The following MBNL1 variants were observed in gnomAD, a reference collection of about 807,000 sequenced individuals.
MBNL1 encodes the protein muscleblind like splicing regulator 1, also known as muscleblind-like protein 1.
MBNL1 carries 8 observed loss-of-function variants against 42.2 expected under a neutral mutation model. That is an observed-to-expected ratio of 0.19 (90% confidence interval 0.11 to 0.34). The LOEUF (loss-of-function observed/expected upper bound fraction) is 0.34. MBNL1 is among the 10% of genes least tolerant of loss of function. The pLI, the probability that MBNL1 is intolerant of heterozygous loss-of-function variation, is 1.00. For synonymous variants in MBNL1, 169 were observed against 173.9 expected (o/e 0.97, Z 0.22); for missense variants, 309 against 495.3 (o/e 0.62, Z 3.57).
chr3:152,263,098 A>G (rs1237749374), upstream of MBNL1: 1 of 152,222 alleles, frequency 6.6e-6, no homozygotes, highest in Non-Finnish European at 1.5e-5. Flanking sequence ...GCTTTGGTCA[A>G]GGGCCAACTC....
chr3:152,437,536 G>A (rs76255996), intron 4 of MBNL1, among the ~76,000 whole-genome samples: 5,112 of 152,032 alleles, frequency 0.034, 291 homozygotes, highest in African/African-American at 0.12. Context: ...TAATCTCTAA[G>A]GTCACTTCCA....
At chr3:152,415,526 C>T (rs1479767201) in intron 3 of MBNL1, among the ~76,000 whole-genome samples, 1 of 152,160 alleles carries the variant, frequency 6.6e-6, no homozygotes, top group African/African-American at 2.4e-5. Flanking sequence ...TTTCCTCCCT[C>T]CTTGAAAAGA....
At chr3:152,340,514 A>C in intron 2 of MBNL1, 2 of 1,574,846 alleles carry the variant, frequency 1.3e-6, no homozygotes, top group Admixed American at 1.9e-5. Flanking sequence ...AAATAGTGGA[A>C]GTTGGGAGAT....
At position 152,432,765 on chromosome 3, in the gene MBNL1, G is replaced by T. The variant is rs780538995; in HGVS notation, c.394G>T (p.Ala132Ser). 6.2e-7 allele frequency: 1 copy of T among 1,614,012 alleles called. No individual in the cohort carries two copies. Among genetic ancestry groups the T allele is most frequent in the Non-Finnish European group, 8.5e-7 (1 of 1,180,038 alleles). ...PSLATNASAA[A>S]FNPYLGPVSP... is the part of the protein sequence containing the mutation. ...CTTAGCCACCAATGCATCAGCAGCC[G>T]CCTTTAATCCCTATCTGGGACCTGT... Residue 132 changes from alanine to serine, a missense_variant, in exon 4 of 10, where the codon GCC (alanine) becomes TCC (serine). Coordinates refer to ENST00000324210, the MANE Select transcript of MBNL1 (RefSeq NM_021038.5).
intron 2 of MBNL1, among the ~76,000 whole-genome samples, chr3:152,245,783 CAG>C (rs1339084438): frequency 2.6e-5 from 4 of 152,128 alleles, no homozygotes; most frequent in African/African-American, 9.7e-5. Flanking sequence ...AGAAGGAAAG[CAG>C]AGTGTTACTG....
chr3:152,375,504 C>G (rs1029408354), intron 2 of MBNL1, among the ~76,000 whole-genome samples: 23 of 152,132 alleles, frequency 1.5e-4, no homozygotes, highest in African/African-American at 5.6e-4. Context: ...AATCCCAGCA[C>G]TTTGGGAGGC....
Position 152,422,485 on chromosome 3 carries a change from C to T in MBNL1, c.345+7374C>T, listed in dbSNP as rs566525643. Among the ~76,000 whole-genome samples, 5 of 152,220 alleles carry T rather than the reference C, an allele frequency of 3.3e-5. No individual in the cohort carries two copies. The South Asian group carries it at 1.0e-3, about 32-fold the overall frequency. On this transcript the variant is annotated intron_variant, in intron 3 of 9. Transcript: ENST00000324210. ...CAGACCTACAAAGAGACTTAGACTC[C>T]CACACAATAATAATGGGAGACTTTA...
chr3:152,309,195 A>G (rs1457572183), intron 2 of MBNL1, among the ~76,000 whole-genome samples: 1 of 152,164 alleles, frequency 6.6e-6, no homozygotes. Context: ...AGTGGGAATA[A>G]AAGAACTAGA....
In MBNL1 at chr3:152,268,967, A is replaced by C. The variant is rs1201738228; in HGVS notation, c.-915A>C. The C allele has an allele frequency of 6.6e-6, 3 of 456,162 alleles. No individual in the cohort carries two copies. The highest frequency in any genetic ancestry group is 1.4e-4 in the East Asian group (2 of 14,382). 28.3% of individuals were successfully genotyped at this position (456,162 alleles called of 1,614,324 possible). On this transcript the variant is annotated 5_prime_UTR_variant, in exon 1 of 10. Coordinates refer to ENST00000324210, the MANE Select transcript of MBNL1 (RefSeq NM_021038.5). ...CAGCTGAATGAGTTGTGGCGCCCAC[A>C]ATGCTCCCATGACAAGGAGCTGACA...
chr3:152,378,751 C>G (rs1436601172), intron 2 of MBNL1, among the ~76,000 whole-genome samples: 1 of 152,140 alleles, frequency 6.6e-6, no homozygotes, highest in Non-Finnish European at 1.5e-5. Flanking sequence ...AGGTCTTGCC[C>G]TGCTGCCCAG....
At chr3:152,269,937 G>A (rs1576878122) in intron 1 of MBNL1, among the ~76,000 whole-genome samples, 2 of 129,204 alleles carry the variant, frequency 1.5e-5, no homozygotes, top group East Asian at 4.5e-4. Flanking sequence ...TTTTTTAAAC[G>A]GAGCCGGAAT....
intron 2 of MBNL1, among the ~76,000 whole-genome samples, chr3:152,311,060 G>C (rs944991354): frequency 7.2e-6 from 1 of 138,924 alleles, no homozygotes; most frequent in Non-Finnish European, 1.5e-5. Flanking sequence ...TCAGGCTGGA[G>C]TGTGGTGGTG....
intron 2 of MBNL1, among the ~76,000 whole-genome samples, chr3:152,414,488 A>G (rs370272529): frequency 1.4e-4 from 21 of 152,288 alleles, no homozygotes; most frequent in African/African-American, 3.8e-4. Context: ...TTTACTGAAG[A>G]TACAATGTGC....
intron 2 of MBNL1, among the ~76,000 whole-genome samples, chr3:152,385,649 A>T (rs912442933): frequency 6.6e-6 from 1 of 152,106 alleles, no homozygotes; most frequent in African/African-American, 2.4e-5. Flanking sequence ...ATGCATAATA[A>T]ATCAAGACAC....
chr3:152,409,305 T>TTG (rs373484914), intron 2 of MBNL1, among the ~76,000 whole-genome samples: 10 of 151,994 alleles, frequency 6.6e-5, no homozygotes, highest in Non-Finnish European at 2.9e-5. Flanking sequence ...GTGTATGTGT[T>TTG]TGTGTGTGTG....
intron 2 of MBNL1, among the ~76,000 whole-genome samples, chr3:152,330,007 A>T (rs569843982): frequency 9.2e-5 from 14 of 152,006 alleles, no homozygotes; most frequent in Non-Finnish European, 2.1e-4. Context: ...AGAAAACAAG[A>T]TAGTAAACAT....
chr3:152,409,466 A>G (rs74727843), intron 2 of MBNL1, among the ~76,000 whole-genome samples: 1 of 117,808 alleles, frequency 8.5e-6, no homozygotes, highest in Non-Finnish European at 1.9e-5. Context: ...ATCTTAGCTG[A>G]AAAAAAAAAA....
At chr3:152,366,694 G>A (rs941449715) in intron 2 of MBNL1, among the ~76,000 whole-genome samples, 3 of 152,108 alleles carry the variant, frequency 2.0e-5, no homozygotes, top group African/African-American at 7.2e-5. Context: ...GTAGGCATAA[G>A]GAAGAAACAA....
At chr3:152,389,712 C>T (rs1190040859) in intron 2 of MBNL1, among the ~76,000 whole-genome samples, 1 of 152,050 alleles carries the variant, frequency 6.6e-6, no homozygotes, top group African/African-American at 2.4e-5. Flanking sequence ...CTGGAACTTG[C>T]AGGACTGGAA....
Sources: gnomAD v4.1 joint callset for allele counts (sites outside exome capture counted in the v4.1 genomes callset) on GRCh38, gnomAD v4.1.1 for gene constraint, MANE v1.5 for transcripts, NCBI Gene and HGNC (gene_info 2026-07-23, HGNC 2026-07-21) for gene names.